The following GRIK4 variants were observed in gnomAD, a reference collection of about 807,000 sequenced individuals.
GRIK4 encodes glutamate ionotropic receptor kainate type subunit 4.
In GRIK4, 40 loss-of-function variants were observed where a neutral mutation model predicts 104.9. The observed-to-expected ratio is 0.38, with a 90% confidence interval of 0.30 to 0.50. GRIK4 has a LOEUF of 0.50. Among genes scored for constraint, GRIK4 ranks in the 20% least tolerant of loss-of-function variants. The pLI, the probability that GRIK4 is intolerant of heterozygous loss-of-function variation, is 0.93. For synonymous variants in GRIK4, 485 were observed against 524.9 expected (o/e 0.92, Z 1.04); for missense variants, 1,047 against 1,308.1 (o/e 0.80, Z 3.08).
intron 3 of GRIK4, among the ~76,000 whole-genome samples, chr11:120,694,205 C>G (rs146572225): frequency 2.0e-3 from 298 of 152,254 alleles, no homozygotes; most frequent in African/African-American, 7.0e-3. Flanking sequence ...TGACAGAAAG[C>G]ACGAGAGCAG....
chr11:120,930,390 G>C (rs1943459421), intron 13 of GRIK4, among the ~76,000 whole-genome samples: 1 of 152,222 alleles, frequency 6.6e-6, no homozygotes, highest in Admixed American at 6.5e-5. Context: ...TGAGTTATCT[G>C]TGTCAGGCCT....
intron 1 of GRIK4, chr11:120,620,161 G>A (rs188253410): frequency 2.5e-5 from 21 of 841,834 alleles, no homozygotes; most frequent in African/African-American, 1.9e-4. Flanking sequence ...TGATGTTAAT[G>A]CATGTTCTCT....
rs76860831 is a variant in GRIK4 at position 120,974,513 on chromosome 11, T to C, written c.2395+7190T>C. Among the ~76,000 whole-genome samples, 676 of 152,352 alleles carry C rather than the reference T, an allele frequency of 4.4e-3. 2 individuals carry two copies. The highest frequency in any genetic ancestry group is 0.016 in the African/African-American group (646 of 41,578). On this transcript the variant is annotated intron_variant, in intron 19 of 20. Transcript: ENST00000527524. ...ACGTGCCAGTGCCTAACATAATCTT[T>C]TTCTACTTTGTTATCCTATTAAAAT...
intron 3 of GRIK4, among the ~76,000 whole-genome samples, chr11:120,670,655 G>C (rs955568627): frequency 1.3e-5 from 2 of 152,120 alleles, no homozygotes; most frequent in African/African-American, 4.8e-5. Flanking sequence ...CTCTAGCCCT[G>C]CCTCTGCCCC....
chr11:120,861,450 A>C (rs565778051), intron 8 of GRIK4, among the ~76,000 whole-genome samples: 31 of 152,220 alleles, frequency 2.0e-4, no homozygotes, highest in African/African-American at 7.0e-4. Context: ...CTGATGGTAG[A>C]ATCACACTTT....
chr11:120,551,303 T>C (rs574924133), intron 1 of GRIK4, among the ~76,000 whole-genome samples: 24 of 152,334 alleles, frequency 1.6e-4, no homozygotes, highest in African/African-American at 5.5e-4. Flanking sequence ...GACCTTCTCC[T>C]GCCCGCTTTT....
chr11:120,660,581 C>T (rs530988553), intron 3 of GRIK4, among the ~76,000 whole-genome samples, 181 bp downstream of exon 3: 2 of 152,288 alleles, frequency 1.3e-5, no homozygotes, highest in South Asian at 2.1e-4. Flanking sequence ...GTGACCACTC[C>T]GATCTGGTCA....
chr11:120,865,019 G>A (rs576807256), intron 9 of GRIK4, among the ~76,000 whole-genome samples: 16 of 152,318 alleles, frequency 1.1e-4, no homozygotes, highest in Admixed American at 2.0e-4. Context: ...TTGTGAAGAC[G>A]GAATCAGATA....
chr11:120,834,914 C>T (rs996322876), intron 7 of GRIK4, among the ~76,000 whole-genome samples: 1 of 152,352 alleles, frequency 6.6e-6, no homozygotes. Context: ...CTGTAAGCAG[C>T]GGGCTCGCTC....
In GRIK4 at chr11:120,902,012, G is replaced by A. The variant is rs923755250; in HGVS notation, c.1273-3278G>A. ...GTGCCTACAGTGGCTGATCCAATTC[G>A]ATAGCTCTTACCAGGAATGACGATC... On this transcript the variant is annotated intron_variant, in intron 12 of 20. Transcript: ENST00000527524. This position sits in a 1 kb window ranked among gnomAD's most constrained non-coding sequence, Gnocchi z 4.5. Among the ~76,000 whole-genome samples, 2 of 152,126 alleles carry A rather than the reference G, an allele frequency of 1.3e-5. No individual in the cohort carries two copies. The highest frequency in any genetic ancestry group is 4.8e-5 in the African/African-American group (2 of 41,406).
At chr11:120,740,425 A>C (rs1205793674) in intron 3 of GRIK4, among the ~76,000 whole-genome samples, 1 of 152,148 alleles carries the variant, frequency 6.6e-6, no homozygotes, top group African/African-American at 2.4e-5. Context: ...AAGGATAGGG[A>C]CTGAAGCATC....
rs886944719 is a variant in GRIK4, at chr11:120,982,241, G to T, written c.2514+17G>T. 6 of 1,349,442 alleles carry T rather than the reference G, an allele frequency of 4.4e-6. No homozygotes were observed. Among genetic ancestry groups the T allele is most frequent in the Non-Finnish European group, 5.3e-6 (5 of 938,210 alleles). The allele number at this position is 1,349,442 out of a possible 1,614,324, so 83.6% of individuals were successfully genotyped here. A position where few individuals can be genotyped will look rare whatever the true frequency, so the allele number is the denominator to read the frequency against. ...GCAACTGAGGTAAACTTTCAAAGGG[G>T]TATGATCGATCGTGTTGGCAGATGG... On this transcript the variant is annotated intron_variant, in intron 20 of 20. Coordinates refer to ENST00000527524, the MANE Select transcript of GRIK4 (RefSeq NM_014619.5).
chr11:120,709,565 G>A (rs2135350057), intron 3 of GRIK4, among the ~76,000 whole-genome samples: 1 of 152,302 alleles, frequency 6.6e-6, no homozygotes, highest in Non-Finnish European at 1.5e-5. Context: ...TTTGATAGGA[G>A]TACTGGAGAA....
intron 1 of GRIK4, among the ~76,000 whole-genome samples, chr11:120,600,928 C>T (rs185123374): frequency 3.6e-4 from 55 of 151,596 alleles, no homozygotes; most frequent in African/African-American, 1.0e-3. Context: ...TGGTGGCATG[C>T]GCCTGTAGTT....
At chr11:120,661,592 C>T (rs760006166) in intron 3 of GRIK4, among the ~76,000 whole-genome samples, 2 of 152,168 alleles carry the variant, frequency 1.3e-5, no homozygotes, top group Non-Finnish European at 2.9e-5. Flanking sequence ...GCATTCAGGT[C>T]GGTGTGCTGG....
intron 11 of GRIK4, among the ~76,000 whole-genome samples, chr11:120,889,223 TC>T (rs1199919177): frequency 1.3e-5 from 2 of 152,238 alleles, no homozygotes; most frequent in Non-Finnish European, 1.5e-5. Context: ...AAGCGTTTAC[TC>T]CCTCGTGCCA....
intron 3 of GRIK4, among the ~76,000 whole-genome samples, chr11:120,710,965 C>T (rs1055737779): frequency 1.9e-4 from 29 of 151,264 alleles, no homozygotes; most frequent in African/African-American, 5.6e-4. Flanking sequence ...GAGCACCAGG[C>T]GGCCCGGCCA....
chr11:120,533,610 G>A (rs1273976299), intron 1 of GRIK4, among the ~76,000 whole-genome samples: 1 of 152,212 alleles, frequency 6.6e-6, no homozygotes, highest in Non-Finnish European at 1.5e-5. Context: ...GGGTGTGGTG[G>A]CTCACACCTG....
At chr11:120,527,151 G>A (rs575120307) in intron 1 of GRIK4, among the ~76,000 whole-genome samples, 12 of 152,240 alleles carry the variant, frequency 7.9e-5, no homozygotes, top group Non-Finnish European at 1.5e-4. Context: ...GCAAAGGCAG[G>A]TGGGGTTGCC....
Sources: gnomAD v4.1 joint callset for allele counts (sites outside exome capture counted in the v4.1 genomes callset) on GRCh38, gnomAD v4.1.1 for gene constraint, Gnocchi (gnomAD v3.1) non-coding constraint, MANE v1.5 for transcripts, NCBI Gene and HGNC (gene_info 2026-07-23, HGNC 2026-07-21) for gene names.